RIPK2: variants seen among roughly 807,000 people sequenced by gnomAD.
The protein encoded by RIPK2 is receptor-interacting serine/threonine-protein kinase 2.
A neutral mutation model predicts 60.9 loss-of-function variants in RIPK2; 38 were observed. The ratio of observed to expected loss-of-function variants is 0.62; its 90% CI spans 0.48 to 0.82. RIPK2 has a LOEUF of 0.82. RIPK2 is among the 40% of genes least tolerant of loss of function. The probability of loss-of-function intolerance (pLI) is 0.00; values close to 1 mark genes in which losing one functional copy is unlikely to be tolerated. For synonymous variants in RIPK2, 225 were observed against 223.4 expected (o/e 1.01, Z -0.06); for missense variants, 518 against 647.0 (o/e 0.80, Z 2.16).
chr8:89,768,541 C>CCT (rs1159031325), intron 3 of RIPK2, among the ~76,000 whole-genome samples: 11 of 151,666 alleles, frequency 7.3e-5, no homozygotes, highest in Admixed American at 2.0e-4. Flanking sequence ...CTGGAATACT[C>CCT]CTAAAAGTGC....
rs542528846 is a variant in RIPK2 at position 89,763,996 on chromosome 8, C to T, written c.327+1014C>T. 2.0e-5 allele frequency among the ~76,000 whole-genome samples: 3 copies of T among 152,160 alleles called. No individual in the cohort carries two copies. The South Asian group carries it at 6.2e-4, about 32-fold the overall frequency. On this transcript the variant is annotated intron_variant, in intron 2 of 10. Coordinates refer to ENST00000220751, the MANE Select transcript of RIPK2 (RefSeq NM_003821.6). ...TACTCTGGCACCCAAATTTGCAGCTCGCTGGAAATTCTACAGCCTCCTCAA... is the reference window on the plus strand; with the variant it reads ...TACTCTGGCACCCAAATTTGCAGCTTGCTGGAAATTCTACAGCCTCCTCAA...
intron 7 of RIPK2, 96 bp from the exon 8 acceptor site, chr8:89,783,954 G>T (rs1420827578): frequency 4.9e-6 from 3 of 615,890 alleles, no homozygotes; most frequent in East Asian, 3.0e-5. Flanking sequence ...CATGTATTTT[G>T]TACAAACATA....
At chr8:89,785,528 T>G (rs1809572029) in intron 8 of RIPK2, among the ~76,000 whole-genome samples, 1 of 152,188 alleles carries the variant, frequency 6.6e-6, no homozygotes, top group African/African-American at 2.4e-5. Flanking sequence ...AAGGTGTATA[T>G]GAAACATAAA....
In RIPK2 at chr8:89,757,882, GCGGCTGGCGTGGGCCAT is replaced by G. The variant is rs984505851; in HGVS notation, c.-177_-161del. On this transcript the variant is annotated 5_prime_UTR_variant, in exon 1 of 11. Transcript: ENST00000220751. The stretch of plus-strand genomic sequence containing the variant: ...AAGTCAGCTCTGGTTCGGAGAAGCA[GCGGCTGGCGTGGGCCAT>G]CCGGGGAATGGGCGCCCTCGTGACC... 18 of 1,368,634 alleles carry G rather than the reference GCGGCTGGCGTGGGCCAT, an allele frequency of 1.3e-5. No individual in the cohort carries two copies. The highest frequency in any genetic ancestry group is 1.7e-5 in the Non-Finnish European group (18 of 1,062,524). The allele number at this position is 1,368,634 out of a possible 1,614,324, so 84.8% of individuals were successfully genotyped here.
intron 8 of RIPK2, 108 bp from the exon 9 acceptor site, chr8:89,786,483 AAT>A: frequency 2.8e-6 from 2 of 719,436 alleles, no homozygotes; most frequent in East Asian, 2.7e-5. Context: ...GAAAAAAAAA[AAT>A]TAGTAGTTTT....
chr8:89,779,243 C>T (rs1210983562), intron 6 of RIPK2, among the ~76,000 whole-genome samples: 1 of 145,306 alleles, frequency 6.9e-6, no homozygotes, highest in Non-Finnish European at 1.5e-5. Flanking sequence ...CTTATTTTTT[C>T]TTAATACTGT....
chr8:89,764,275 C>A (rs1809191086), intron 2 of RIPK2, among the ~76,000 whole-genome samples: 1 of 152,058 alleles, frequency 6.6e-6, no homozygotes, highest in Admixed American at 6.6e-5. Context: ...TTTTGGTTTC[C>A]TGTATTGCAT....
At chr8:89,789,609 G>T in intron 10 of RIPK2, 127 bp downstream of exon 10, 1 of 853,294 alleles carries the variant, frequency 1.2e-6, no homozygotes, top group South Asian at 1.9e-5. Flanking sequence ...ACCTTCTTAA[G>T]TAGGAAAACA....
rs201453980 is a variant in RIPK2, at chr8:89,758,195, C to G, written c.135C>G (p.Ala45=). ...ACGCAGACTGGCGCGTCCAGGTGGC[C>G]GTGAAGCACCTGCACATCCACACTC... ...ARHADWRVQV[A]VKHLHIHTPL... The change falls in exon 1 of 11, where the codon GCC becomes GCG. Residue 45 remains alanine (A), a synonymous_variant. Transcript: ENST00000220751. 6.2e-6 allele frequency: 10 copies of G among 1,609,880 alleles called. No individual in the cohort carries two copies. The highest frequency in any genetic ancestry group is 1.3e-5 in the African/African-American group (1 of 74,836).
In RIPK2 at chr8:89,758,092, C is replaced by G; in HGVS notation, c.32C>G (p.Pro11Arg). The G allele has an allele frequency of 6.2e-7, 1 of 1,607,356 alleles. No homozygotes were observed. Among genetic ancestry groups the G allele is most frequent in the Non-Finnish European group, 8.5e-7 (1 of 1,177,336 alleles). The change falls in exon 1 of 11, where the codon CCC becomes CGC. Residue 11 changes from proline to arginine, a missense_variant. Transcript: ENST00000220751. The stretch of plus-strand genomic sequence containing the variant: ...GGGGAGGCCATCTGCAGCGCCCTGC[C>G]CACCATTCCCTACCACAAACTCGCC... Reference protein sequence around the residue: MNGEAICSALPTIPYHKLADL... With the variant: MNGEAICSALRTIPYHKLADL...
rs569008388 is a variant in RIPK2 at position 89,784,744 on chromosome 8, G to T, written c.1029+605G>T. On this transcript the variant is annotated intron_variant, in intron 8 of 10. Coordinates refer to ENST00000220751, the MANE Select transcript of RIPK2 (RefSeq NM_003821.6). ...CACCTGTGTTAGTCTGTTTATCGTT[G>T]CTATAATGAAATACCTAAGAGTAGG... Among the ~76,000 whole-genome samples the T allele has an allele frequency of 1.1e-4, 16 of 152,308 alleles. No individual in the cohort carries two copies. In the East Asian group the frequency reaches 3.1e-3, roughly 29 times the overall value.
chr8:89,788,899 G>A (rs1809630150), intron 9 of RIPK2, among the ~76,000 whole-genome samples: 1 of 152,130 alleles, frequency 6.6e-6, no homozygotes, highest in South Asian at 2.1e-4. Flanking sequence ...GACAGAAAAT[G>A]TAATTGCGTG....
chr8:89,771,160 C>T (rs952621207), intron 4 of RIPK2, among the ~76,000 whole-genome samples: 1 of 151,850 alleles, frequency 6.6e-6, no homozygotes, highest in Admixed American at 6.6e-5. Flanking sequence ...GTACTCCTCG[C>T]TCTCCCTGTA....
intron 8 of RIPK2, among the ~76,000 whole-genome samples, chr8:89,785,927 A>AT (rs1426497451): frequency 6.6e-6 from 1 of 152,162 alleles, no homozygotes; most frequent in African/African-American, 2.4e-5. Flanking sequence ...TGTGGAAGGA[A>AT]CCTGAGGTGC....
chr8:89,785,157 C>T (rs1809564442), intron 8 of RIPK2, among the ~76,000 whole-genome samples: 2 of 152,114 alleles, frequency 1.3e-5, no homozygotes, highest in Non-Finnish European at 2.9e-5. Flanking sequence ...AACATCTGAC[C>T]TCATATGATA....
At chr8:89,770,835 A>G (rs1354859585) in intron 4 of RIPK2, among the ~76,000 whole-genome samples, 1 of 151,876 alleles carries the variant, frequency 6.6e-6, no homozygotes, top group Admixed American at 6.6e-5. Context: ...TGGCTGCACT[A>G]AAACAATTCA....
intron 8 of RIPK2, among the ~76,000 whole-genome samples, chr8:89,785,057 A>G (rs1809562304): frequency 6.6e-6 from 1 of 152,154 alleles, no homozygotes; most frequent in Admixed American, 6.5e-5. Context: ...AACACCTCCC[A>G]TTAAGCCCCA....
chr8:89,777,235 AAGG>A (rs1272227362), intron 6 of RIPK2, among the ~76,000 whole-genome samples: 1 of 152,246 alleles, frequency 6.6e-6, no homozygotes, highest in Non-Finnish European at 1.5e-5. Flanking sequence ...GCATAGGAGA[AAGG>A]AGAAGTTTGC....
Position 89,757,946 on chromosome 8 carries a change from G to A in RIPK2, c.-115G>A, listed in dbSNP as rs911597309. 2.1e-6 allele frequency: 3 copies of A among 1,413,758 alleles called. No homozygotes were observed. The highest frequency in any genetic ancestry group is 3.0e-5 in the Admixed American group (1 of 33,720). The allele number at this position is 1,413,758 out of a possible 1,614,324, so 87.6% of individuals were successfully genotyped here. A position where few individuals can be genotyped will look rare whatever the true frequency, so the allele number is the denominator to read the frequency against. On this transcript the variant is annotated 5_prime_UTR_variant, in exon 1 of 11. Transcript: ENST00000220751. The stretch of plus-strand genomic sequence containing the variant: ...GACCTAGTGTTGCGGGGCAAAAAGG[G>A]TCTTGCCGGCCTCGCTCGTGCAGGG...
Sources: gnomAD v4.1 joint callset for allele counts (sites outside exome capture counted in the v4.1 genomes callset) on GRCh38, gnomAD v4.1.1 for gene constraint, MANE v1.5 for transcripts, NCBI Gene and HGNC (gene_info 2026-07-23, HGNC 2026-07-21) for gene names.